ETFDH: variants seen among roughly 807,000 people sequenced by gnomAD.
ETFDH encodes the protein electron transfer flavoprotein dehydrogenase.
In ETFDH, 61 loss-of-function variants were observed where a neutral mutation model predicts 73.2. That is an observed-to-expected ratio of 0.83 (90% confidence interval 0.68 to 1.03). The LOEUF (loss-of-function observed/expected upper bound fraction) is 1.03, where lower values mean the gene tolerates loss of function less well. Among genes scored for constraint, ETFDH ranks in the 50% least tolerant of loss-of-function variants. The pLI is 0.00. For synonymous variants in ETFDH, 243 were observed against 253.3 expected, an observed-to-expected ratio of 0.96 and a Z score of 0.39; for missense variants, 685 against 745.0, an observed-to-expected ratio of 0.92 and a Z score of 0.94.
At position 158,682,341 on chromosome 4, in the gene ETFDH, CAGATAGG is replaced by C. The variant is rs752654339; in HGVS notation, c.325_331del (p.Ile109LeufsTer32). 5 of 1,614,104 alleles carry C rather than the reference CAGATAGG, an allele frequency of 3.1e-6. No individual in the cohort carries two copies. In the Admixed American group the frequency reaches 8.3e-5, roughly 27 times the overall value. On this transcript the variant is annotated frameshift_variant, in exon 3 of 13. Coordinates refer to ENST00000511912, the MANE Select transcript of ETFDH (RefSeq NM_004453.4). LOFTEE classifies it high-confidence loss of function. Reference sequence around the variant, plus strand: ...TGTGTGTCTAGTGGAGAAAGCTGCCCAGATAGGAGCTCATACTCTCTCAGGGGCTTGC... The same window carrying C: ...TGTGTGTCTAGTGGAGAAAGCTGCCCAGCTCATACTCTCTCAGGGGCTTGC...
In ETFDH at chr4:158,703,494, G is replaced by T; in HGVS notation, c.1188G>T (p.Lys396Asn). 2 of 1,609,804 alleles carry T rather than the reference G, an allele frequency of 1.2e-6. No homozygotes were observed. The highest frequency in any genetic ancestry group is 1.7e-6 in the Non-Finnish European group (2 of 1,176,220). Residue 396 changes from lysine (K) to asparagine (N), a missense_variant, in exon 10 of 13, where the codon AAG becomes AAT. Lys to Asn is a moderately conservative substitution (Grantham distance 94). Coordinates refer to ENST00000511912, the MANE Select transcript of ETFDH (RefSeq NM_004453.4). ...GCSPGFMNVP[K>N]IKGTHTAMKS... is the part of the protein sequence containing the mutation. ...GTCCTGGTTTTATGAATGTTCCCAAGATCAAAGGTACTCACACAGCAATGA... is the reference window on the plus strand; with the variant it reads ...GTCCTGGTTTTATGAATGTTCCCAATATCAAAGGTACTCACACAGCAATGA...
intron 3 of ETFDH, among the ~76,000 whole-genome samples, chr4:158,683,959 G>A (rs898895189): frequency 2.0e-5 from 3 of 152,086 alleles, no homozygotes; most frequent in African/African-American, 7.2e-5. Flanking sequence ...TCACCAACCA[G>A]GAAGTTTCAA....
chr4:158,679,318 A>G (rs1051221083), intron 1 of ETFDH: 3 of 152,096 alleles, frequency 2.0e-5, no homozygotes, highest in African/African-American at 7.2e-5. Context: ...ACAGAGCCTG[A>G]GAAGGGAGTC....
At chr4:158,684,013 A>AAAGAGCC (rs1773934632) in intron 3 of ETFDH, among the ~76,000 whole-genome samples, 1 of 152,162 alleles carries the variant, frequency 6.6e-6, no homozygotes, top group Non-Finnish European at 1.5e-5. Context: ...CAGAGACAAA[A>AAAGAGCC]AGACATGAGG....
At chr4:158,697,850 G>A (rs1774353221) in intron 8 of ETFDH, 151 bp downstream of exon 8, 2 of 719,478 alleles carry the variant, frequency 2.8e-6, no homozygotes, top group East Asian at 2.7e-5. Flanking sequence ...TATGGCTGCT[G>A]TGTCATTAAG....
chr4:158,678,819 T>C (rs1158408854), intron 1 of ETFDH, among the ~76,000 whole-genome samples: 2 of 152,026 alleles, frequency 1.3e-5, no homozygotes, highest in African/African-American at 2.4e-5. Context: ...AGCTAATTTT[T>C]TTACTTTTTA....
intron 12 of ETFDH, 24 bp downstream of exon 12, chr4:158,706,874 A>G: frequency 6.9e-7 from 1 of 1,447,278 alleles, no homozygotes; most frequent in South Asian, 1.1e-5. Context: ...TCTATTCCTA[A>G]ATATTTGCTT....
Position 158,697,637 on chromosome 4 carries a change from T to C in ETFDH, c.910T>C (p.Tyr304His), listed in dbSNP as rs1376613646. The C allele has an allele frequency of 6.2e-7, 1 of 1,613,334 alleles. No individual in the cohort carries two copies. Among genetic ancestry groups the C allele is most frequent in the Admixed American group, 1.7e-5 (1 of 60,000 alleles). ...TGGTTGGCCCTTGGACAGACATACC[T>C]ATGGAGGATCTTTCCTCTATCATTT... ...TVGWPLDRHTYGGSFLYHLNE... is the reference protein window; with the variant it reads ...TVGWPLDRHTHGGSFLYHLNE... The change falls in exon 8 of 13, where the codon TAT becomes CAT. Residue 304 changes from tyrosine (Y) to histidine (H), a missense_variant. Tyr to His is a moderately conservative substitution (Grantham distance 83). This residue lies in a region of ETFDH where 405 missense variants were observed against 399.3 expected (regional missense o/e 1.01). Coordinates refer to ENST00000511912, the MANE Select transcript of ETFDH (RefSeq NM_004453.4).
chr4:158,689,633 T>TGA (rs1774107463), intron 5 of ETFDH, among the ~76,000 whole-genome samples: 1 of 111,036 alleles, frequency 9.0e-6, no homozygotes, highest in Non-Finnish European at 1.8e-5. Flanking sequence ...TATATATATA[T>TGA]ATATTGTGGG....
chr4:158,699,148 T>G lies in ETFDH; in HGVS notation c.1116+18T>G. On this transcript the variant is annotated intron_variant, in intron 9 of 12. Transcript: ENST00000511912. The stretch of plus-strand genomic sequence containing the variant: ...GCTTTCAGGTAACTCTTCCAACTTT[T>G]ATTTTCCTTGTTTCTGTATTATAAA... 6.2e-7 allele frequency: 1 copy of G among 1,600,546 alleles called. No individual in the cohort carries two copies. The highest frequency in any genetic ancestry group is 8.6e-7 in the Non-Finnish European group (1 of 1,167,766).
At chr4:158,677,573 C>T (rs1333971742) in intron 1 of ETFDH, among the ~76,000 whole-genome samples, 1 of 152,198 alleles carries the variant, frequency 6.6e-6, no homozygotes, top group African/African-American at 2.4e-5. Context: ...CAGGGCCAAT[C>T]CAAAAATTAT....
At chr4:158,682,130 A>G in intron 2 of ETFDH, 65 bp from the exon 3 acceptor site, 1 of 1,607,092 alleles carries the variant, frequency 6.2e-7, no homozygotes. Flanking sequence ...ATATTTTTTA[A>G]CTGTCATGTG....
Position 158,697,647 on chromosome 4 carries a change from C to CT in ETFDH, c.923dup (p.Leu309ProfsTer6). ...TTGGACAGACATACCTATGGAGGAT[C>CT]TTTCCTCTATCATTTGAATGAAGGT... On this transcript the variant is annotated frameshift_variant, in exon 8 of 13. Coordinates refer to ENST00000511912, the MANE Select transcript of ETFDH (RefSeq NM_004453.4). LOFTEE classifies it high-confidence loss of function. 6.2e-7 allele frequency: 1 copy of CT among 1,612,824 alleles called. No homozygotes were observed. The highest frequency in any genetic ancestry group is 8.5e-7 in the Non-Finnish European group (1 of 1,179,266).
At chr4:158,694,443 AG>A (rs1774257148) in intron 6 of ETFDH, among the ~76,000 whole-genome samples, 2 of 151,970 alleles carry the variant, frequency 1.3e-5, no homozygotes, top group South Asian at 4.1e-4. Context: ...AAATACAAAA[AG>A]TTAGCTGGGC....
chr4:158,674,365 A>T (rs1055146119), intron 1 of ETFDH, among the ~76,000 whole-genome samples: 6 of 152,092 alleles, frequency 3.9e-5, no homozygotes, highest in African/African-American at 1.4e-4. Context: ...GAGGGCAGTG[A>T]TGTAATCTCA....
chr4:158,699,669 T>C (rs1484640992), intron 9 of ETFDH, among the ~76,000 whole-genome samples: 2 of 152,232 alleles, frequency 1.3e-5, no homozygotes, highest in African/African-American at 4.8e-5. Context: ...CTGTAATCCA[T>C]AATATTTCTC....
At chr4:158,685,038 T>TG in intron 4 of ETFDH, 63 bp from the exon 5 acceptor site, 1 of 946,266 alleles carries the variant, frequency 1.1e-6, no homozygotes, top group Non-Finnish European at 1.7e-6. Context: ...TTTAAAGTAT[T>TG]TATGTTTTTG....
At chr4:158,707,914 A>T (rs1163801458) in intron 12 of ETFDH, among the ~76,000 whole-genome samples, 1 of 152,226 alleles carries the variant, frequency 6.6e-6, no homozygotes, top group African/African-American at 2.4e-5. Context: ...TTATGGCCAG[A>T]GTGTGGCAAG....
At chr4:158,705,442 A>T (rs1011588849) in intron 10 of ETFDH, among the ~76,000 whole-genome samples, 3 of 152,234 alleles carry the variant, frequency 2.0e-5, no homozygotes, top group Non-Finnish European at 4.4e-5. Context: ...TTAACTAATT[A>T]TATCTACAGC....
Sources: allele counts gnomAD v4.1 joint callset (sites outside exome capture counted in the v4.1 genomes callset), GRCh38; gene constraint gnomAD v4.1.1; regional missense constraint gnomAD v4.1.1; transcripts MANE v1.5; gene names NCBI Gene and HGNC (gene_info 2026-07-23, HGNC 2026-07-21).